The following KHDRBS2 variants were observed in gnomAD, a reference collection of about 807,000 sequenced individuals.
The protein encoded by KHDRBS2 is KH domain-containing, RNA-binding, signal transduction-associated protein 2.
KHDRBS2 carries 26 observed loss-of-function variants against 44.3 expected under a neutral mutation model. The ratio of observed to expected loss-of-function variants is 0.59; its 90% CI spans 0.43 to 0.81. The LOEUF (loss-of-function observed/expected upper bound fraction) is 0.81, where lower values mean the gene tolerates loss of function less well. Among genes scored for constraint, KHDRBS2 ranks in the 40% least tolerant of loss-of-function variants. The pLI is 0.00. For missense variants in KHDRBS2, 476 were observed against 433.1 expected (o/e 1.10, Z -0.88); for synonymous variants, 194 against 151.1 (o/e 1.28, Z -2.08).
chr6:61,680,919 G>C lies in KHDRBS2; in HGVS notation c.*44C>G. ...GTTGCTGTTTATGTGGAGACCACAG[G>C]CTATGAATTGTCTTTGAGGTGAGGT... On this transcript the variant is annotated 3_prime_UTR_variant, in exon 9 of 9. Coordinates refer to ENST00000281156, the MANE Select transcript of KHDRBS2 (RefSeq NM_152688.4). 1 of 1,237,698 alleles carries C rather than the reference G, an allele frequency of 8.1e-7. No homozygotes were observed. Among genetic ancestry groups the C allele is most frequent in the Non-Finnish European group, 1.2e-6 (1 of 846,074 alleles). The allele number at this position is 1,237,698 out of a possible 1,614,324, so 76.7% of individuals were successfully genotyped here. A position where few individuals can be genotyped will look rare whatever the true frequency, so the allele number is the denominator to read the frequency against.
chr6:61,912,969 C>CT (rs2127352668), intron 4 of KHDRBS2, among the ~76,000 whole-genome samples: 1 of 152,266 alleles, frequency 6.6e-6, no homozygotes, highest in East Asian at 1.9e-4. Context: ...ATATGAGGTA[C>CT]TTTAAGACCA....
intron 1 of KHDRBS2, among the ~76,000 whole-genome samples, chr6:62,227,075 T>G (rs1831996669): frequency 6.6e-6 from 1 of 152,232 alleles, no homozygotes; most frequent in Non-Finnish European, 1.5e-5. Flanking sequence ...AATGTTAGTT[T>G]GATGGGAACA....
intron 6 of KHDRBS2, among the ~76,000 whole-genome samples, chr6:61,754,637 A>C: frequency 7.9e-6 from 1 of 127,052 alleles, no homozygotes. Flanking sequence ...TCATGGTTTT[A>C]TACAAATCTT....
At chr6:62,020,031 T>C (rs1182677641) in intron 3 of KHDRBS2, among the ~76,000 whole-genome samples, 1 of 152,002 alleles carries the variant, frequency 6.6e-6, no homozygotes, top group African/African-American at 2.4e-5. Context: ...TTTACATTTC[T>C]TCTTACATAA....
At chr6:61,894,586 A>C in intron 6 of KHDRBS2, 49 bp downstream of exon 6, 1 of 1,462,362 alleles carries the variant, frequency 6.8e-7, no homozygotes, top group East Asian at 2.3e-5. Flanking sequence ...TAGCTTGTTA[A>C]CTAATCAATT....
rs1562520426 is a variant in KHDRBS2 at position 61,955,516 on chromosome 6, GTA to G, written c.483+22548_483+22549del. 1.8e-3 allele frequency among the ~76,000 whole-genome samples: 108 copies of G among 60,964 alleles called. 14 individuals carry two copies. Among genetic ancestry groups the G allele is most frequent in the South Asian group, 6.5e-3 (8 of 1,230 alleles). The allele number at this position is 60,964 out of a possible 152,430, so 40.0% of individuals were successfully genotyped here. A position where few individuals can be genotyped will look rare whatever the true frequency, so the allele number is the denominator to read the frequency against. On this transcript the variant is annotated intron_variant, in intron 4 of 8. Coordinates refer to ENST00000281156, the MANE Select transcript of KHDRBS2 (RefSeq NM_152688.4). ...TATACATGTGTATATATACACATAT[GTA>G]TGTATGTATACATGTGTATATATAC...
intron 4 of KHDRBS2, among the ~76,000 whole-genome samples, chr6:61,930,519 C>T (rs1256591094): frequency 1.2e-5 from 1 of 83,730 alleles, no homozygotes; most frequent in Non-Finnish European, 2.1e-5. Context: ...CCCTATACCG[C>T]CCCTAAAAAA....
At chr6:61,742,162 C>G (rs938253780) in intron 6 of KHDRBS2, among the ~76,000 whole-genome samples, 1 of 151,780 alleles carries the variant, frequency 6.6e-6, no homozygotes, top group African/African-American at 2.4e-5. Context: ...AAATGCTGCC[C>G]TTTAATATTA....
the KHDRBS2 span, among the ~76,000 whole-genome samples, chr6:61,656,436 G>A: frequency 6.6e-6 from 1 of 152,026 alleles, no homozygotes; most frequent in Non-Finnish European, 1.5e-5. Flanking sequence ...AGCCTAGGCA[G>A]TCTAACAAAA....
chr6:61,702,232 T>G (rs1768799705), intron 7 of KHDRBS2, among the ~76,000 whole-genome samples: 1 of 151,928 alleles, frequency 6.6e-6, no homozygotes, highest in Non-Finnish European at 1.5e-5. Context: ...TGCAGAGTGA[T>G]GTTACTAATT....
intron 2 of KHDRBS2, among the ~76,000 whole-genome samples, chr6:62,163,633 TATCTCA>T (rs1209555357): frequency 6.6e-6 from 1 of 151,992 alleles, no homozygotes; most frequent in Non-Finnish European, 1.5e-5. Context: ...TGTCCACAAT[TATCTCA>T]ATGCCTCCTC....
At chr6:62,210,351 A>T (rs1181380639) in intron 1 of KHDRBS2, among the ~76,000 whole-genome samples, 6 of 142,470 alleles carry the variant, frequency 4.2e-5, no homozygotes, top group African/African-American at 1.6e-4. Context: ...TTTTTTCAAG[A>T]CGAAGTCTCG....
intron 3 of KHDRBS2, among the ~76,000 whole-genome samples, chr6:61,978,545 A>C (rs188899573): frequency 2.6e-5 from 4 of 152,198 alleles, no homozygotes; most frequent in Non-Finnish European, 5.9e-5. Flanking sequence ...CTGGAAGGGA[A>C]GAATTGTTTT....
chr6:61,769,617 C>A (rs1271900951), intron 6 of KHDRBS2, among the ~76,000 whole-genome samples: 1 of 135,486 alleles, frequency 7.4e-6, no homozygotes, highest in Non-Finnish European at 1.6e-5. Flanking sequence ...TGCAAGGCGG[C>A]AGCGAGGCTG....
intron 1 of KHDRBS2, among the ~76,000 whole-genome samples, chr6:62,258,222 A>G (rs1009013797): frequency 6.6e-6 from 1 of 152,018 alleles, no homozygotes; most frequent in African/African-American, 2.4e-5. Flanking sequence ...AAGGATAAAG[A>G]CGCACTCTGC....
At position 61,901,238 on chromosome 6, in the gene KHDRBS2, A is replaced by C. The variant is rs1325617936; in HGVS notation, c.611+6T>G. On this transcript the variant is annotated splice_donor_region_variant and intron_variant, in intron 5 of 8. Transcript: ENST00000281156. ...CTTAATTTATTTAAAGTAAGAATGAATGTACCTTGAAGGAGCTGTGGGAGC... is the reference window on the plus strand; with the variant it reads ...CTTAATTTATTTAAAGTAAGAATGACTGTACCTTGAAGGAGCTGTGGGAGC... 2 of 1,607,404 alleles carry C rather than the reference A, an allele frequency of 1.2e-6. No homozygotes were observed. Among genetic ancestry groups the C allele is most frequent in the Non-Finnish European group, 1.7e-6 (2 of 1,178,164 alleles).
At chr6:61,584,684 T>C in the KHDRBS2 span, among the ~76,000 whole-genome samples, 3,699 of 151,964 alleles carry the variant, frequency 0.024, 70 homozygotes, top group Middle Eastern at 0.086. Context: ...AATAAAAATA[T>C]GGTAGCAATG....
intron 3 of KHDRBS2, among the ~76,000 whole-genome samples, chr6:62,023,940 T>A (rs996863045): frequency 8.6e-5 from 13 of 151,350 alleles, no homozygotes; most frequent in South Asian, 6.2e-4. Flanking sequence ...TTTTTAAACA[T>A]CTATGTAGTT....
At chr6:61,790,877 T>G (rs1252645153) in intron 6 of KHDRBS2, among the ~76,000 whole-genome samples, 2 of 151,522 alleles carry the variant, frequency 1.3e-5, no homozygotes, top group Non-Finnish European at 3.0e-5. Flanking sequence ...AACACATCAG[T>G]GAAGTCATTA....
Sources: gnomAD v4.1 joint callset for allele counts (sites outside exome capture counted in the v4.1 genomes callset) on GRCh38, gnomAD v4.1.1 for gene constraint, MANE v1.5 for transcripts, NCBI Gene and HGNC (gene_info 2026-07-23, HGNC 2026-07-21) for gene names.